SLC13A3: variants seen among roughly 807,000 people sequenced by gnomAD.
SLC13A3 encodes Na(+)/dicarboxylate cotransporter 3.
SLC13A3 carries 40 observed loss-of-function variants against 59.0 expected under a neutral mutation model. That is an observed-to-expected ratio of 0.68 (90% confidence interval 0.53 to 0.88). The LOEUF (loss-of-function observed/expected upper bound fraction) is 0.88, where lower values mean the gene tolerates loss of function less well. Ranked by LOEUF, SLC13A3 falls within the 40% of genes least tolerant of loss-of-function variation. The pLI, the probability that SLC13A3 is intolerant of heterozygous loss-of-function variation, is 0.00. For missense variants in SLC13A3, 699 were observed against 783.2 expected, an observed-to-expected ratio of 0.89 and a Z score of 1.28; for synonymous variants, 317 against 330.3, an observed-to-expected ratio of 0.96 and a Z score of 0.44.
intron 3 of SLC13A3, among the ~76,000 whole-genome samples, chr20:46,604,592 C>T (rs1292579217): frequency 6.6e-6 from 1 of 152,180 alleles, no homozygotes; most frequent in Non-Finnish European, 1.5e-5. Flanking sequence ...GGGCCGCTCT[C>T]GTGGTACACC....
chr20:46,585,506 CAT>C, intron 8 of SLC13A3: 2 of 1,009,184 alleles, frequency 2.0e-6, no homozygotes, highest in African/African-American at 1.7e-5. Context: ...AGCCAATTGG[CAT>C]ATGTTTCATT....
intron 1 of SLC13A3, among the ~76,000 whole-genome samples, chr20:46,679,945 T>C (rs1041996880): frequency 1.3e-5 from 2 of 151,238 alleles, no homozygotes; most frequent in African/African-American, 4.9e-5. Context: ...TGGTAGGCAA[T>C]AATGCCTGGC....
intron 1 of SLC13A3, among the ~76,000 whole-genome samples, chr20:46,618,290 A>C (rs1014719076): frequency 3.9e-5 from 6 of 152,192 alleles, no homozygotes; most frequent in Admixed American, 6.5e-5. Context: ...GCTCAAGGAG[A>C]CAGACATGAA....
At chr20:46,674,608 T>TGTGTGC (rs2063113255), upstream of SLC13A3, among the ~76,000 whole-genome samples, 4 of 133,078 alleles carry the variant, frequency 3.0e-5, no homozygotes, top group Admixed American at 7.2e-5. Flanking sequence ...CGCGCGCGTG[T>TGTGTGC]GTGTGTGTGT....
At chr20:46,676,536 C>G (rs886296907) in intron 1 of SLC13A3, among the ~76,000 whole-genome samples, 3 of 151,438 alleles carry the variant, frequency 2.0e-5, no homozygotes, top group Non-Finnish European at 4.4e-5. Flanking sequence ...ATTACAGGCA[C>G]GAGCCACTGC....
chr20:46,564,147 A>T (rs1450464070), intron 11 of SLC13A3, among the ~76,000 whole-genome samples: 1 of 152,110 alleles, frequency 6.6e-6, no homozygotes, highest in Non-Finnish European at 1.5e-5. Context: ...AACAATCTCA[A>T]CCCAGAGTTG....
intron 1 of SLC13A3, among the ~76,000 whole-genome samples, chr20:46,632,524 T>C (rs1195260007): frequency 2.0e-5 from 3 of 150,750 alleles, no homozygotes; most frequent in Non-Finnish European, 2.9e-5. Context: ...AGCTGGGACC[T>C]GGGGGTTATA....
chr20:46,600,407 G>GA lies in SLC13A3; in HGVS notation c.542-371dup, dbSNP rs1224108877. ...AAGGGAGGGAAAGAAAGAAAGAAAG[G>GA]AGGAAGGAAGGAAGGAAAGGAAGGA... On this transcript the variant is annotated intron_variant, in intron 3 of 12. Coordinates refer to ENST00000279027, the MANE Select transcript of SLC13A3 (RefSeq NM_022829.6). 1.2e-3 allele frequency among the ~76,000 whole-genome samples: 170 copies of GA among 143,600 alleles called. 1 individual carries two copies. The highest frequency in any genetic ancestry group is 5.6e-4 in the Non-Finnish European group (36 of 64,664). The allele number at this position is 143,600 out of a possible 152,430, so 94.2% of individuals were successfully genotyped here. A position where few individuals can be genotyped will look rare whatever the true frequency, so the allele number is the denominator to read the frequency against.
intron 6 of SLC13A3, among the ~76,000 whole-genome samples, chr20:46,592,035 T>C (rs2062262998): frequency 6.6e-6 from 1 of 151,892 alleles, no homozygotes; most frequent in Admixed American, 6.6e-5. Flanking sequence ...AGTGAGACTC[T>C]GTCTCTACAA....
chr20:46,632,505 T>A (rs534558650), intron 1 of SLC13A3, among the ~76,000 whole-genome samples: 1 of 149,118 alleles, frequency 6.7e-6, no homozygotes, highest in Non-Finnish European at 1.5e-5. Context: ...GAAAGAGCCA[T>A]GGACAGGGAG....
chr20:46,643,158 A>G (rs1032691424), intron 1 of SLC13A3, among the ~76,000 whole-genome samples: 7 of 150,520 alleles, frequency 4.7e-5, no homozygotes, highest in Non-Finnish European at 8.8e-5. Context: ...AAAAAAAAAA[A>G]TATCCCTGCC....
intron 1 of SLC13A3, among the ~76,000 whole-genome samples, chr20:46,641,853 A>G (rs562341252): frequency 8.5e-5 from 13 of 152,170 alleles, no homozygotes; most frequent in Non-Finnish European, 1.9e-4. Context: ...GAAACAACCA[A>G]TCGAGACCCC....
At chr20:46,606,318 T>C (rs980846312) in intron 3 of SLC13A3, among the ~76,000 whole-genome samples, 1 of 152,250 alleles carries the variant, frequency 6.6e-6, no homozygotes, top group Non-Finnish European at 1.5e-5. Flanking sequence ...CCACTTCCTA[T>C]GTACCTGGCT....
chr20:46,615,840 G>A lies in SLC13A3; in HGVS notation c.112-2115C>T, dbSNP rs79792881. 8.5e-5 allele frequency among the ~76,000 whole-genome samples: 13 copies of A among 152,216 alleles called. No homozygotes were observed. In the East Asian group the frequency reaches 1.5e-3, roughly 18 times the overall value. ...TTTATAGATGTGCAAAAAGTCTCCC[G>A]CTGGGAGAATTTCTGTACAGCACAT... On this transcript the variant is annotated intron_variant, in intron 1 of 12. Coordinates refer to ENST00000279027, the MANE Select transcript of SLC13A3 (RefSeq NM_022829.6).
chr20:46,613,406 GGT>G, intron 2 of SLC13A3, 52 bp downstream of exon 2: 1 of 1,497,076 alleles, frequency 6.7e-7, no homozygotes, highest in South Asian at 1.4e-5. Context: ...AGGCTCCAGA[GGT>G]GTGGTCCCTC....
At chr20:46,618,054 C>G (rs545591461) in intron 1 of SLC13A3, among the ~76,000 whole-genome samples, 1 of 152,264 alleles carries the variant, frequency 6.6e-6, no homozygotes, top group South Asian at 2.1e-4. Flanking sequence ...TCAGACAATC[C>G]TCATCTTTGC....
intron 6 of SLC13A3, among the ~76,000 whole-genome samples, chr20:46,591,219 G>T (rs1012282486): frequency 6.6e-6 from 1 of 151,822 alleles, no homozygotes; most frequent in Admixed American, 6.6e-5. Flanking sequence ...AATCTGTCAC[G>T]GAGGCCAGTC....
At chr20:46,651,761 G>A (rs1038820355), upstream of SLC13A3, among the ~76,000 whole-genome samples, 19 of 152,232 alleles carry the variant, frequency 1.2e-4, no homozygotes, top group African/African-American at 3.6e-4. Flanking sequence ...AGGATGACAA[G>A]GCGAGGATTA....
At chr20:46,632,908 G>GACAGAC (rs544583469) in intron 1 of SLC13A3, among the ~76,000 whole-genome samples, 2,437 of 33,486 alleles carry the variant, frequency 0.073, 123 homozygotes, top group African/African-American at 0.094. Context: ...TAGATAGATA[G>GACAGAC]ATATATCTAT....
Sources: allele counts gnomAD v4.1 joint callset (sites outside exome capture counted in the v4.1 genomes callset), GRCh38; gene constraint gnomAD v4.1.1; transcripts MANE v1.5; gene names NCBI Gene and HGNC (gene_info 2026-07-23, HGNC 2026-07-21).